The following WDR11 variants were observed in gnomAD, a reference collection of about 807,000 sequenced individuals.
WDR11 encodes WD repeat-containing protein 11.
Under a neutral mutation model 151.2 loss-of-function variants are expected in WDR11, and 83 were observed. The observed-to-expected ratio is 0.55, with a 90% CI of 0.46 to 0.66. The LOEUF is 0.66. WDR11 is among the 30% of genes least tolerant of loss of function. The pLI is 0.00. For synonymous variants in WDR11, 484 were observed against 533.1 expected, an observed-to-expected ratio of 0.91 and a Z score of 1.27; for missense variants, 1,301 against 1,480.9, an observed-to-expected ratio of 0.88 and a Z score of 1.99.
intron 2 of WDR11, among the ~76,000 whole-genome samples, chr10:120,854,669 T>C (rs1014542263): frequency 6.6e-6 from 1 of 152,200 alleles, no homozygotes; most frequent in Non-Finnish European, 1.5e-5. Flanking sequence ...TGTTCTCTGT[T>C]CTTTTGATTA....
intron 26 of WDR11, 85 bp downstream of exon 26, chr10:120,905,501 C>G: frequency 6.9e-7 from 1 of 1,453,584 alleles, no homozygotes; most frequent in Admixed American, 1.7e-5. Flanking sequence ...GACTTAGAAA[C>G]ATTTTTTGGC....
intron 20 of WDR11, among the ~76,000 whole-genome samples, chr10:120,900,504 G>C (rs967820861): frequency 6.6e-6 from 1 of 152,156 alleles, no homozygotes; most frequent in Non-Finnish European, 1.5e-5. Context: ...GGGATATACT[G>C]TGTCTTAAAA....
intron 14 of WDR11, 97 bp from the exon 15 acceptor site, chr10:120,885,717 T>C: frequency 6.9e-7 from 1 of 1,459,166 alleles, no homozygotes; most frequent in Non-Finnish European, 9.5e-7. Context: ...TAATAATAAA[T>C]GATACTGGGC....
chr10:120,904,171 T>A (rs1322465860), intron 24 of WDR11, 29 bp downstream of exon 24: 1 of 1,483,636 alleles, frequency 6.7e-7, no homozygotes, highest in Non-Finnish European at 9.4e-7. Context: ...CTCTACATGC[T>A]TCATTAAATT....
At chr10:120,866,193 G>T (rs1590065680) in intron 7 of WDR11, among the ~76,000 whole-genome samples, 2 of 152,202 alleles carry the variant, frequency 1.3e-5, no homozygotes, top group Non-Finnish European at 2.9e-5. Context: ...ACTGTGTAAA[G>T]ATCAAAGTGA....
In WDR11 at chr10:120,885,956, T is replaced by C; in HGVS notation, c.1973+18T>C. 2.5e-6 allele frequency: 4 copies of C among 1,612,714 alleles called. No individual in the cohort carries two copies. Among genetic ancestry groups the C allele is most frequent in the South Asian group, 1.1e-5 (1 of 91,018 alleles). On this transcript the variant is annotated intron_variant, in intron 15 of 28. Transcript: ENST00000263461. ...GTGATCAGGTACAGTACAGTGTTTCTTGACACTGTCATTTGTGCCATTAGC... is the reference window on the plus strand; with the variant it reads ...GTGATCAGGTACAGTACAGTGTTTCCTGACACTGTCATTTGTGCCATTAGC...
In WDR11 at chr10:120,880,897, T is replaced by C; in HGVS notation, c.1735T>C (p.Leu579=). Residue 579 remains leucine (L), a synonymous_variant, in exon 13 of 29, where the codon TTG becomes CTG. Coordinates refer to ENST00000263461, the MANE Select transcript of WDR11 (RefSeq NM_018117.12). The part of the protein sequence containing the change: ...SAIEMIKVSH[L]KQYLAVVFRD... ...CATCGAAATGATTAAAGTATCTCAT[T>C]TGAAGTAAGTGTCAACCTAAAAAAA... 1 of 1,594,380 alleles carries C rather than the reference T, an allele frequency of 6.3e-7. No individual in the cohort carries two copies. Among genetic ancestry groups the C allele is most frequent in the Non-Finnish European group, 8.6e-7 (1 of 1,167,362 alleles).
chr10:120,867,257 G>T, intron 9 of WDR11, 88 bp downstream of exon 9: 1 of 971,850 alleles, frequency 1.0e-6, no homozygotes, highest in Admixed American at 1.9e-5. Context: ...TTATTTTAAA[G>T]TCAAAAAAGT....
At chr10:120,874,817 C>CT (rs1254977262) in intron 11 of WDR11, among the ~76,000 whole-genome samples, 3 of 150,520 alleles carry the variant, frequency 2.0e-5, no homozygotes, top group Non-Finnish European at 4.4e-5. Context: ...TTTAATTTTA[C>CT]TTTAAGTTCT....
At chr10:120,871,407 A>C in intron 10 of WDR11, 61 bp downstream of exon 10, 5 of 1,505,404 alleles carry the variant, frequency 3.3e-6, no homozygotes, top group Non-Finnish European at 4.6e-6. Flanking sequence ...TAGGTTTTCT[A>C]GTTTCTAGAA....
intron 5 of WDR11, among the ~76,000 whole-genome samples, chr10:120,863,708 C>T (rs1846215857): frequency 6.6e-6 from 1 of 151,994 alleles, no homozygotes; most frequent in African/African-American, 2.4e-5. Context: ...TTCAGATAGC[C>T]TTTATTTTTA....
chr10:120,868,917 A>C (rs895925784), intron 9 of WDR11, among the ~76,000 whole-genome samples: 1 of 151,788 alleles, frequency 6.6e-6, no homozygotes, highest in African/African-American at 2.4e-5. Flanking sequence ...GCCTGGACAC[A>C]TGTTTTGCAA....
chr10:120,887,176 T>C (rs992669193), intron 16 of WDR11, among the ~76,000 whole-genome samples: 24 of 152,180 alleles, frequency 1.6e-4, no homozygotes, highest in Non-Finnish European at 1.2e-4. Context: ...CTCAGGCCTG[T>C]CTGACTTCAG....
chr10:120,858,572 T>G (rs1216369598), intron 2 of WDR11, 71 bp from the exon 3 acceptor site: 2 of 1,568,532 alleles, frequency 1.3e-6, no homozygotes, highest in Non-Finnish European at 1.8e-6. Context: ...TTCTGGTTGA[T>G]GTTTTGTGAA....
intron 19 of WDR11, among the ~76,000 whole-genome samples, chr10:120,894,488 G>T (rs1245012106): frequency 6.6e-6 from 1 of 152,094 alleles, no homozygotes; most frequent in Non-Finnish European, 1.5e-5. Context: ...GAATTGTCCT[G>T]CCCCAAACGC....
rs1847400484 is a variant in WDR11, at chr10:120,890,610, C to T, written c.2344-106C>T. On this transcript the variant is annotated intron_variant, in intron 18 of 28. Transcript: ENST00000263461. ...TTGCCAGAGGCTGTTCAGTTCTAAA[C>T]TTGAACTGGGCCTTTGCCACAGACT... 2.2e-6 allele frequency: 3 copies of T among 1,376,304 alleles called. No individual in the cohort carries two copies. The South Asian group carries it at 3.5e-5, about 16-fold the overall frequency. The allele number at this position is 1,376,304 out of a possible 1,614,324, so 85.3% of individuals were successfully genotyped here.
In WDR11 at chr10:120,866,593, C is replaced by G. The variant is rs1205691889; in HGVS notation, c.1019C>G (p.Thr340Ser). Residue 340 changes from threonine (T) to serine (S), a missense_variant, in exon 8 of 29, where the codon ACC (threonine) becomes AGC (serine). By Grantham distance (58) the Thr-to-Ser change is moderately conservative. Transcript: ENST00000263461. The stretch of plus-strand genomic sequence containing the variant: ...GATCCAGATCCAGTTCAGGAGCTTA[C>G]CTATGATTTACGAAGCCAGTGTGAT... ...EPDPDPVQELTYDLRSQCDAI... is the reference protein window; with the variant it reads ...EPDPDPVQELSYDLRSQCDAI... 1.2e-6 allele frequency: 2 copies of G among 1,614,042 alleles called. No homozygotes were observed. The highest frequency in any genetic ancestry group is 1.7e-5 in the Admixed American group (1 of 60,016).
At chr10:120,858,879 A>G (rs1460669571) in intron 3 of WDR11, 83 bp downstream of exon 3, 7 of 1,535,290 alleles carry the variant, frequency 4.6e-6, no homozygotes, top group Non-Finnish European at 6.2e-6. Flanking sequence ...GTTTTCCCCC[A>G]TTCATTTAAT....
Position 120,866,746 on chromosome 10 carries a change from A to G in WDR11, c.1172A>G (p.Asn391Ser), listed in dbSNP as rs1303992008. 2 of 1,614,170 alleles carry G rather than the reference A, an allele frequency of 1.2e-6. No homozygotes were observed. The highest frequency in any genetic ancestry group is 1.1e-5 in the South Asian group (1 of 91,084). Residue 391 changes from asparagine to serine, a missense_variant, in exon 8 of 29, where the codon AAT becomes AGT. Transcript: ENST00000263461. ...TGGGAACTCAAGTCTGCAGTTTGTA[A>G]TCGAAATTCACGGAACAGGTAAATG... ...MIWELKSAVC[N>S]RNSRNSSSGV... is the part of the protein sequence containing the mutation.
Sources: gnomAD v4.1 joint callset for allele counts (sites outside exome capture counted in the v4.1 genomes callset) on GRCh38, gnomAD v4.1.1 for gene constraint, MANE v1.5 for transcripts, NCBI Gene and HGNC (gene_info 2026-07-23, HGNC 2026-07-21) for gene names.